GNG7: variants seen among roughly 807,000 people sequenced by gnomAD.
The protein encoded by GNG7 is G protein subunit gamma 7.
In GNG7, 1 loss-of-function variant was observed where a neutral mutation model predicts 4.0. That is an observed-to-expected ratio of 0.25 (90% CI 0.09 to 1.18). The LOEUF (loss-of-function observed/expected upper bound fraction) is 1.18, where lower values mean the gene tolerates loss of function less well. GNG7 is among the 50% of genes most tolerant of loss of function. The pLI is 0.50. For missense variants in GNG7, 86 were observed against 91.9 expected (o/e 0.94, Z 0.26); for synonymous variants, 34 against 36.9 (o/e 0.92, Z 0.29).
rs140525270 is a variant in GNG7 at position 2,520,303 on chromosome 19, C to T, written c.81+305G>A. Among the ~76,000 whole-genome samples, 238 of 152,358 alleles carry T rather than the reference C, an allele frequency of 1.6e-3. 1 individual carries two copies. The highest frequency in any genetic ancestry group is 5.1e-3 in the African/African-American group (211 of 41,592). On this transcript the variant is annotated intron_variant, in intron 4 of 4. Transcript: ENST00000382159. ...ATTTGCATCTGTCATTGCCAAGGAG[C>T]TGGACAGATCAATGCAGATGAGGAC...
At position 2,513,737 on chromosome 19, in the gene GNG7, A is replaced by C; in HGVS notation, c.*1285T>G. On this transcript the variant is annotated 3_prime_UTR_variant, in exon 5 of 5. Transcript: ENST00000382159. Reference sequence around the variant, plus strand: ...AGTCCTTCAGAGTCACTCCAAGATCATGGAACAATTTTGTACACACAGCAG... The same window carrying C: ...AGTCCTTCAGAGTCACTCCAAGATCCTGGAACAATTTTGTACACACAGCAG... 5.2e-6 allele frequency: 1 copy of C among 191,504 alleles called. No homozygotes were observed. Among genetic ancestry groups the C allele is most frequent in the Non-Finnish European group, 9.6e-6 (1 of 104,022 alleles). The allele number at this position is 191,504 out of a possible 1,614,324, so 11.9% of individuals were successfully genotyped here. A position where few individuals can be genotyped will look rare whatever the true frequency, so the allele number is the denominator to read the frequency against.
At chr19:2,666,384 G>T (rs1173841588) in intron 1 of GNG7, among the ~76,000 whole-genome samples, 1 of 152,130 alleles carries the variant, frequency 6.6e-6, no homozygotes, top group Non-Finnish European at 1.5e-5. Context: ...TGTCGGCCAG[G>T]CTGGTCTTAA....
intron 3 of GNG7, among the ~76,000 whole-genome samples, chr19:2,551,054 A>G (rs877689): frequency 0.7 from 106,032 of 152,100 alleles, 37,961 homozygotes; most frequent in African/African-American, 0.86. Flanking sequence ...ACGTGGCCAC[A>G]TGGCTGGCAG....
intron 1 of GNG7, among the ~76,000 whole-genome samples, chr19:2,646,814 G>C (rs1308682517): frequency 6.6e-6 from 1 of 152,240 alleles, no homozygotes; most frequent in African/African-American, 2.4e-5. Flanking sequence ...TGCAAGGATT[G>C]ATGTTTCTAC....
At chr19:2,602,952 TTTTCTTTCTCTTTC>T (rs970079486) in intron 2 of GNG7, among the ~76,000 whole-genome samples, 5 of 148,298 alleles carry the variant, frequency 3.4e-5, no homozygotes, top group African/African-American at 7.9e-5. Flanking sequence ...CCTTTCTTTC[TTTTCTTTCTCTTTC>T]TTTCTTTCTC....
intron 2 of GNG7, among the ~76,000 whole-genome samples, chr19:2,561,681 A>G (rs937801793): frequency 6.6e-6 from 1 of 150,646 alleles, no homozygotes; most frequent in African/African-American, 2.4e-5. Context: ...GTTCAAGACC[A>G]GTCTGCCCAA....
intron 3 of GNG7, among the ~76,000 whole-genome samples, chr19:2,551,589 G>GTATTTATAAATGTATAAA (rs1421883737): frequency 6.9e-6 from 1 of 145,756 alleles, no homozygotes; most frequent in Non-Finnish European, 1.5e-5. Flanking sequence ...ATATAAATAT[G>GTATTTATAAATGTATAAA]CATTTATAAA....
At chr19:2,522,142 G>A (rs557783406) in intron 3 of GNG7, among the ~76,000 whole-genome samples, 194 of 152,248 alleles carry the variant, frequency 1.3e-3, no homozygotes, top group Admixed American at 3.4e-3. Context: ...CAGGGAGTGG[G>A]TGGAGGCCAC....
intron 1 of GNG7, among the ~76,000 whole-genome samples, chr19:2,666,102 G>A (rs905967712): frequency 6.6e-6 from 1 of 152,124 alleles, no homozygotes; most frequent in Non-Finnish European, 1.5e-5. Context: ...CTGACCTCAG[G>A]TGATCTGCCT....
intron 2 of GNG7, among the ~76,000 whole-genome samples, chr19:2,641,556 A>G (rs748359813): frequency 4.6e-5 from 7 of 152,116 alleles, no homozygotes; most frequent in Non-Finnish European, 8.8e-5. Context: ...ACGCTGGGAA[A>G]TGCGGGAACC....
intron 2 of GNG7, among the ~76,000 whole-genome samples, chr19:2,578,545 G>A (rs1229515158): frequency 6.6e-6 from 1 of 152,230 alleles, no homozygotes; most frequent in African/African-American, 2.4e-5. Context: ...CCCGCCCAGG[G>A]GCTGGGCTCA....
chr19:2,544,455 G>A (rs113664240), intron 3 of GNG7, among the ~76,000 whole-genome samples: 4,226 of 152,218 alleles, frequency 0.028, 201 homozygotes, highest in African/African-American at 0.097. Flanking sequence ...CGCGATCTCG[G>A]CTCACTGCAA....
chr19:2,651,161 C>A (rs1982801251), intron 1 of GNG7, among the ~76,000 whole-genome samples: 4 of 152,138 alleles, frequency 2.6e-5, no homozygotes, highest in Admixed American at 2.0e-4. Context: ...GTACGAAGGG[C>A]TGCCACCGCC....
At chr19:2,532,157 A>AAAAG (rs1978614353) in intron 3 of GNG7, among the ~76,000 whole-genome samples, 1 of 44,926 alleles carries the variant, frequency 2.2e-5, no homozygotes, top group East Asian at 1.1e-3. Context: ...TCTCAAAAAA[A>AAAAG]AAAACAAAAA....
At chr19:2,698,880 C>T (rs987358558) in intron 1 of GNG7, among the ~76,000 whole-genome samples, 8 of 152,112 alleles carry the variant, frequency 5.3e-5, no homozygotes, top group Non-Finnish European at 1.0e-4. Flanking sequence ...AACAGTGGGG[C>T]CCCAGGGTTT....
chr19:2,652,161 C>T (rs1982847521), intron 1 of GNG7, among the ~76,000 whole-genome samples: 1 of 151,326 alleles, frequency 6.6e-6, no homozygotes, highest in African/African-American at 2.4e-5. Context: ...GACGGCTAAG[C>T]GAGACTCCGT....
chr19:2,549,296 T>G (rs976381370), intron 3 of GNG7, among the ~76,000 whole-genome samples: 1 of 150,158 alleles, frequency 6.7e-6, no homozygotes, highest in Non-Finnish European at 1.5e-5. Flanking sequence ...GGGCTGTGTT[T>G]TTTTTTTTTT....
chr19:2,657,361 A>T (rs59047119), intron 1 of GNG7, among the ~76,000 whole-genome samples: 498 of 14,996 alleles, frequency 0.033, 3 homozygotes, highest in African/African-American at 0.041. Flanking sequence ...AAAAAAAAAA[A>T]ATATATATAT....
chr19:2,673,260 AAAAAAAACAAAACAAAAC>A (rs1157984467), intron 1 of GNG7, among the ~76,000 whole-genome samples: 3 of 135,110 alleles, frequency 2.2e-5, no homozygotes, highest in Admixed American at 2.1e-4. Context: ...TCCATCTCAA[AAAAAAAACAAAACAAAAC>A]AAAACAAAAC....
Sources: allele counts gnomAD v4.1 joint callset (sites outside exome capture counted in the v4.1 genomes callset), GRCh38; gene constraint gnomAD v4.1.1; transcripts MANE v1.5; gene names NCBI Gene and HGNC (gene_info 2026-07-23, HGNC 2026-07-21).